Variants in MTSS1 observed in about 807,000 individuals in gnomAD.
The protein encoded by MTSS1 is protein MTSS 1.
Under a neutral mutation model 79.0 loss-of-function variants are expected in MTSS1, and 18 were observed. The ratio of observed to expected loss-of-function variants is 0.23; its 90% CI spans 0.16 to 0.34. The LOEUF (loss-of-function observed/expected upper bound fraction) is 0.34. MTSS1 is among the 10% of genes least tolerant of loss of function. MTSS1 has a pLI of 1.00. For synonymous variants in MTSS1, 341 were observed against 368.6 expected (o/e 0.93, Z 0.86); for missense variants, 815 against 986.2 (o/e 0.83, Z 2.33).
intron 3 of MTSS1, among the ~76,000 whole-genome samples, chr8:124,697,837 T>C (rs1027829540): frequency 1.3e-5 from 2 of 152,194 alleles, no homozygotes; most frequent in Non-Finnish European, 2.9e-5. Flanking sequence ...CAAGCTGACA[T>C]ACTGGATGAA....
chr8:124,579,679 G>C lies in MTSS1; in HGVS notation c.460+5408C>G, dbSNP rs1251830678. On this transcript the variant is annotated intron_variant, in intron 6 of 13. Transcript: ENST00000518547. The stretch of plus-strand genomic sequence containing the variant: ...GGAACCACTAGCCCAACATCGCCAT[G>C]AGGGGAAATAGAGGCCGTGTCAGCC... The C allele has an allele frequency of 2.0e-5, 3 of 152,312 alleles. No individual in the cohort carries two copies. The East Asian group carries it at 5.8e-4, about 29-fold the overall frequency. The allele number at this position is 152,312 out of a possible 1,614,324, so 9.4% of individuals were successfully genotyped here.
intron 3 of MTSS1, chr8:124,673,316 G>C (rs975043850): frequency 2.0e-5 from 3 of 151,824 alleles, no homozygotes; most frequent in African/African-American, 7.3e-5. Context: ...CCGGGAGGTG[G>C]AGGTTGCAGT....
intron 3 of MTSS1, among the ~76,000 whole-genome samples, chr8:124,615,582 G>A (rs372153984): frequency 4.6e-5 from 7 of 152,282 alleles, no homozygotes; most frequent in Admixed American, 3.3e-4. Context: ...GGGAAAATGC[G>A]AGTTGCTGAA....
chr8:124,563,096 G>C, intron 9 of MTSS1, 104 bp from the exon 10 acceptor site: 1 of 977,090 alleles, frequency 1.0e-6, no homozygotes. Context: ...GCAGAAGAGA[G>C]AGAAGCACAA....
intron 3 of MTSS1, among the ~76,000 whole-genome samples, chr8:124,612,574 A>ATATGTGTGTGTG (rs1491356973): frequency 1.0e-5 from 1 of 99,488 alleles, no homozygotes; most frequent in Non-Finnish European, 2.0e-5. Flanking sequence ...CAAGTTTAAA[A>ATATGTGTGTGTG]TGTGTGTGTG....
chr8:124,566,797 C>T (rs1373900671), intron 8 of MTSS1, among the ~76,000 whole-genome samples: 4 of 152,198 alleles, frequency 2.6e-5, no homozygotes, highest in African/African-American at 9.6e-5. Context: ...TAAGTGACTC[C>T]ATCTCTCAGT....
chr8:124,594,007 C>T (rs1009035490), intron 3 of MTSS1, among the ~76,000 whole-genome samples: 1 of 152,104 alleles, frequency 6.6e-6, no homozygotes, highest in Non-Finnish European at 1.5e-5. Context: ...AGGGATTGCG[C>T]TCCATCCTTG....
At chr8:124,577,550 C>T in intron 6 of MTSS1, 1 of 518,652 alleles carries the variant, frequency 1.9e-6, no homozygotes, top group South Asian at 1.4e-5. Flanking sequence ...GAGGAGATTT[C>T]TGAGTTAAAT....
At chr8:124,661,907 C>T (rs1054851000) in intron 3 of MTSS1, among the ~76,000 whole-genome samples, 10 of 152,188 alleles carry the variant, frequency 6.6e-5, no homozygotes, top group African/African-American at 2.4e-4. Flanking sequence ...GGGCCATGCT[C>T]CATTCATCTT....
intron 1 of MTSS1, among the ~76,000 whole-genome samples, chr8:124,719,748 G>A (rs1832634975): frequency 6.6e-6 from 1 of 152,182 alleles, no homozygotes; most frequent in Non-Finnish European, 1.5e-5. Context: ...AAACATCTGA[G>A]TGCCACTATC....
At chr8:124,607,567 G>T (rs1245055306) in intron 3 of MTSS1, among the ~76,000 whole-genome samples, 1 of 152,130 alleles carries the variant, frequency 6.6e-6, no homozygotes, top group Non-Finnish European at 1.5e-5. Context: ...TGAGGCTTGC[G>T]CAGGAGAGAA....
chr8:124,587,598 A>C (rs1831088706), intron 5 of MTSS1, among the ~76,000 whole-genome samples: 1 of 152,206 alleles, frequency 6.6e-6, no homozygotes, highest in Non-Finnish European at 1.5e-5. Context: ...TCCTGAGTTC[A>C]AGTGATTCTT....
chr8:124,587,344 A>G (rs929094045), intron 5 of MTSS1, among the ~76,000 whole-genome samples: 6 of 152,274 alleles, frequency 3.9e-5, no homozygotes, highest in African/African-American at 1.4e-4. Flanking sequence ...AAATGGTTCT[A>G]TTTTCTTTTA....
intron 6 of MTSS1, chr8:124,580,567 C>T (rs1563791323): frequency 6.5e-6 from 10 of 1,535,326 alleles, no homozygotes; most frequent in African/African-American, 2.7e-5. Flanking sequence ...TGTCCACTGG[C>T]GGGGGGGCAC....
chr8:124,610,943 G>C (rs1471091711), intron 3 of MTSS1, among the ~76,000 whole-genome samples: 1 of 152,208 alleles, frequency 6.6e-6, no homozygotes, highest in African/African-American at 2.4e-5. Flanking sequence ...ATCCATGGTT[G>C]TCACTGTTAT....
rs1832941506 is a variant in MTSS1, at chr8:124,597,353, TACG to T, written c.209-6121_209-6119del. The stretch of plus-strand genomic sequence containing the variant: ...ACGGATACCAAGGGCTCTCTCTCAC[TACG>T]ACAAGCTGGAGACATTCCCAGCTGA... On this transcript the variant is annotated intron_variant, in intron 3 of 13. Coordinates refer to ENST00000518547, the MANE Select transcript of MTSS1 (RefSeq NM_014751.6). This position sits in a 1 kb window ranked among gnomAD's most constrained non-coding sequence, Gnocchi z 4.6. Among the ~76,000 whole-genome samples, 1 of 152,126 alleles carries T rather than the reference TACG, an allele frequency of 6.6e-6. No homozygotes were observed. The highest frequency in any genetic ancestry group is 6.5e-5 in the Admixed American group (1 of 15,274).
At position 124,556,259 on chromosome 8, in the gene MTSS1, C is replaced by T. The variant is rs1258693159; in HGVS notation, c.1377G>A (p.Arg459=). The part of the protein sequence containing the change: ...PAAAEEAQRP[R]SMTVSAATRP... ...TGGTGGCAGCCGATACAGTCATGCT[C>T]CGTGGTCTCTGAGCCTCCTCAGCTG... The change falls in exon 12 of 14, where the codon CGG becomes CGA. Residue 459 remains arginine, a synonymous_variant. Transcript: ENST00000518547. 1.2e-6 allele frequency: 2 copies of T among 1,614,114 alleles called. No individual in the cohort carries two copies. Among genetic ancestry groups the T allele is most frequent in the African/African-American group, 1.3e-5 (1 of 74,938 alleles).
chr8:124,560,079 G>A (rs943267289), intron 10 of MTSS1, among the ~76,000 whole-genome samples: 1 of 152,190 alleles, frequency 6.6e-6, no homozygotes, highest in African/African-American at 2.4e-5. Flanking sequence ...GAGACTCCAC[G>A]GTGGACGGAC....
intron 3 of MTSS1, among the ~76,000 whole-genome samples, chr8:124,626,684 C>T (rs1183185347): frequency 4.0e-5 from 6 of 151,672 alleles, no homozygotes; most frequent in Admixed American, 2.6e-4. Context: ...TGAGGTGCAC[C>T]CGGTCATGGG....
Sources: gnomAD v4.1 joint callset for allele counts (sites outside exome capture counted in the v4.1 genomes callset) on GRCh38, gnomAD v4.1.1 for gene constraint, Gnocchi (gnomAD v3.1) non-coding constraint, MANE v1.5 for transcripts, NCBI Gene and HGNC (gene_info 2026-07-23, HGNC 2026-07-21) for gene names.